Variants in TUSC3 observed in about 807,000 individuals in gnomAD.
TUSC3 encodes the protein tumor suppressor candidate 3.
A neutral mutation model predicts 44.8 loss-of-function variants in TUSC3; 45 were observed. That is an observed-to-expected ratio of 1.00 (90% CI 0.79 to 1.29). The LOEUF (loss-of-function observed/expected upper bound fraction) is 1.29. TUSC3 is among the 50% of genes most tolerant of loss of function. The probability of loss-of-function intolerance (pLI) is 0.00; values close to 1 mark genes in which losing one functional copy is unlikely to be tolerated. For missense variants in TUSC3, 519 were observed against 437.9 expected, an observed-to-expected ratio of 1.19 and a Z score of -1.65; for synonymous variants, 212 against 152.9, an observed-to-expected ratio of 1.39 and a Z score of -2.85.
At chr8:15,433,099 G>C (rs773593569) in intron 1 of TUSC3, among the ~76,000 whole-genome samples, 5 of 152,068 alleles carry the variant, frequency 3.3e-5, no homozygotes, top group Non-Finnish European at 7.4e-5. Context: ...ATTTTACTCT[G>C]TCCCTGCATT....
intron 10 of TUSC3, among the ~76,000 whole-genome samples, chr8:15,762,358 A>G (rs1385500017): frequency 6.6e-6 from 1 of 152,106 alleles, no homozygotes; most frequent in Non-Finnish European, 1.5e-5. Flanking sequence ...AATGATATAA[A>G]CAACTGATTG....
chr8:15,774,629 A>T, the TUSC3 span, among the ~76,000 whole-genome samples: 1 of 152,166 alleles, frequency 6.6e-6, no homozygotes, highest in Non-Finnish European at 1.5e-5. Context: ...ATTTTGTGGT[A>T]CTTTGTTACA....
rs1180454292 is a variant in TUSC3 at position 15,758,118 on chromosome 8, TATACTTTCTTAA to T, written c.*46+264_*46+275del. Reference sequence around the variant, plus strand: ...ATGCAATGCTTCCACCCCCAACAAATATACTTTCTTAACTTCTGTTTGTTATCACTTAGGGAA... The same window carrying T: ...ATGCAATGCTTCCACCCCCAACAAATCTTCTGTTTGTTATCACTTAGGGAA... On this transcript the variant is annotated intron_variant, in intron 10 of 10. Coordinates refer to ENST00000503731, the MANE Select transcript of TUSC3 (RefSeq NM_006765.4). 3 of 1,193,630 alleles carry T rather than the reference TATACTTTCTTAA, an allele frequency of 2.5e-6. No individual in the cohort carries two copies. The African/African-American group carries it at 4.7e-5, about 19-fold the overall frequency. The allele number at this position is 1,193,630 out of a possible 1,614,324, so 73.9% of individuals were successfully genotyped here. A position where few individuals can be genotyped will look rare whatever the true frequency, so the allele number is the denominator to read the frequency against.
At chr8:15,678,903 G>C (rs1178932461) in intron 6 of TUSC3, among the ~76,000 whole-genome samples, 2 of 152,114 alleles carry the variant, frequency 1.3e-5, no homozygotes, top group Non-Finnish European at 1.5e-5. Context: ...GTGTGAATTT[G>C]CACCTCTAGC....
the TUSC3 span, among the ~76,000 whole-genome samples, chr8:15,832,211 A>G: frequency 1.1e-4 from 16 of 152,288 alleles, no homozygotes; most frequent in African/African-American, 3.6e-4. Flanking sequence ...TAAGCAAAGG[A>G]GGAACAAGAT....
At chr8:15,581,546 C>T (rs1351961493) in intron 1 of TUSC3, among the ~76,000 whole-genome samples, 1 of 148,490 alleles carries the variant, frequency 6.7e-6, no homozygotes, top group African/African-American at 2.5e-5. Flanking sequence ...AGACAGGACC[C>T]TCAGCTGCAG....
chr8:15,696,185 C>T (rs527274329), intron 6 of TUSC3, among the ~76,000 whole-genome samples: 4 of 152,242 alleles, frequency 2.6e-5, no homozygotes, highest in African/African-American at 9.6e-5. Context: ...GTTTCGTGGG[C>T]TGGGCTCAGG....
At chr8:15,459,988 C>T (rs1440609356) in intron 1 of TUSC3, among the ~76,000 whole-genome samples, 2 of 152,108 alleles carry the variant, frequency 1.3e-5, no homozygotes, top group South Asian at 2.1e-4. Context: ...AATTGTGCAG[C>T]TATAAACATG....
At chr8:15,758,145 C>G (rs1812009656) in intron 10 of TUSC3, 11 of 1,122,502 alleles carry the variant, frequency 9.8e-6, no homozygotes, top group Non-Finnish European at 1.2e-5. Context: ...TGTTTGTTAT[C>G]ACTTAGGGAA....
At chr8:15,797,857 C>T in the TUSC3 span, among the ~76,000 whole-genome samples, 3 of 152,164 alleles carry the variant, frequency 2.0e-5, no homozygotes, top group African/African-American at 7.2e-5. Context: ...GTGTTGGGAG[C>T]AATAACTGAA....
chr8:15,439,931 T>C (rs1008483237), intron 1 of TUSC3, among the ~76,000 whole-genome samples: 1 of 152,228 alleles, frequency 6.6e-6, no homozygotes, highest in African/African-American at 2.4e-5. Flanking sequence ...ATGCAACAGA[T>C]ACTAGTTAAA....
the TUSC3 span, among the ~76,000 whole-genome samples, chr8:15,804,962 G>C: frequency 6.6e-6 from 1 of 152,206 alleles, no homozygotes; most frequent in Non-Finnish European, 1.5e-5. Context: ...CAGTCCATGA[G>C]CATGGAATTT....
At chr8:15,436,234 T>C (rs28534626) in intron 1 of TUSC3, among the ~76,000 whole-genome samples, 24,701 of 152,154 alleles carry the variant, frequency 0.16, 2,080 homozygotes, top group Middle Eastern at 0.22. Context: ...ATAGAAGTCA[T>C]ACAGTCACAT....
At chr8:15,725,721 A>T (rs993312262) in intron 6 of TUSC3, among the ~76,000 whole-genome samples, 5 of 152,146 alleles carry the variant, frequency 3.3e-5, no homozygotes, top group African/African-American at 1.2e-4. Context: ...TATTATTTTG[A>T]TCAAAGAGCT....
At chr8:15,477,461 G>A (rs144451542) in intron 1 of TUSC3, among the ~76,000 whole-genome samples, 37 of 152,162 alleles carry the variant, frequency 2.4e-4, no homozygotes, top group African/African-American at 8.2e-4. Flanking sequence ...GTGTGCTCAC[G>A]CCTGTAATCC....
At chr8:15,788,558 A>C in the TUSC3 span, among the ~76,000 whole-genome samples, 1 of 152,010 alleles carries the variant, frequency 6.6e-6, no homozygotes, top group South Asian at 2.1e-4. Flanking sequence ...AAAAAAAAAA[A>C]AAAAAAGGAA....
rs77584981 is a variant in TUSC3 at position 15,439,560 on chromosome 8, A to C, written n.91+22255A>C. Among the ~76,000 whole-genome samples the C allele has an allele frequency of 2.0e-4, 30 of 152,334 alleles. No homozygotes were observed. The East Asian group carries it at 5.4e-3, about 27-fold the overall frequency. ...TGACAGAGCAAGACCCTGTCTCAAA[A>C]TGAAAACAAAAACAAAAACAGAAAA... On this transcript the variant is annotated intron_variant and non_coding_transcript_variant, in intron 1 of 5. Coordinates refer to the TUSC3 transcript ENST00000503191.
chr8:15,690,256 G>A (rs993657472), intron 6 of TUSC3, among the ~76,000 whole-genome samples: 1 of 152,100 alleles, frequency 6.6e-6, no homozygotes, highest in African/African-American at 2.4e-5. Context: ...TTTCTGTAAT[G>A]ATTAACGCTG....
At chr8:15,659,749 T>G in intron 4 of TUSC3, 102 bp downstream of exon 4, 1 of 1,468,750 alleles carries the variant, frequency 6.8e-7, no homozygotes, top group Non-Finnish European at 9.4e-7. Context: ...TCTCTATGGT[T>G]GTTTCTCCTT....
Sources: allele counts gnomAD v4.1 joint callset (sites outside exome capture counted in the v4.1 genomes callset), GRCh38; gene constraint gnomAD v4.1.1; transcripts MANE v1.5; gene names NCBI Gene and HGNC (gene_info 2026-07-23, HGNC 2026-07-21).